Variants in ANKS1B observed in about 807,000 individuals in gnomAD.
ANKS1B encodes the protein ankyrin repeat and sterile alpha motif domain-containing protein 1B.
A neutral mutation model predicts 148.3 loss-of-function variants in ANKS1B; 36 were observed. The ratio of observed to expected loss-of-function variants is 0.24; its 90% CI spans 0.19 to 0.32. ANKS1B has a LOEUF of 0.32. Among genes scored for constraint, ANKS1B ranks in the 10% least tolerant of loss-of-function variants. The pLI is 1.00. For missense variants in ANKS1B, 1,157 were observed against 1,542.6 expected (o/e 0.75, Z 4.19); for synonymous variants, 542 against 560.8 (o/e 0.97, Z 0.47).
At chr12:99,042,960 G>T (rs2099960025) in intron 17 of ANKS1B, among the ~76,000 whole-genome samples, 1 of 152,274 alleles carries the variant, frequency 6.6e-6, no homozygotes, top group East Asian at 1.9e-4. Context: ...ACCTAATTAG[G>T]AGAAGACCTT....
chr12:99,837,271 C>T (rs937538094), intron 1 of ANKS1B, among the ~76,000 whole-genome samples: 2 of 152,136 alleles, frequency 1.3e-5, no homozygotes, highest in Non-Finnish European at 2.9e-5. Context: ...CCTGCCCACA[C>T]CTTGATTTTA....
chr12:99,479,759 G>A (rs925975728), intron 10 of ANKS1B, among the ~76,000 whole-genome samples: 5 of 151,872 alleles, frequency 3.3e-5, no homozygotes, highest in African/African-American at 7.2e-5. Context: ...AATGTTAGTC[G>A]AAAGGAGAAT....
chr12:98,974,470 A>T (rs2099888688), intron 17 of ANKS1B, among the ~76,000 whole-genome samples: 1 of 152,218 alleles, frequency 6.6e-6, no homozygotes, highest in African/African-American at 2.4e-5. Context: ...AGGTATTTAG[A>T]TATTTTTATT....
At chr12:99,369,792 GGACGGACGGACA>G (rs1244215218) in intron 12 of ANKS1B, among the ~76,000 whole-genome samples, 1 of 68,500 alleles carries the variant, frequency 1.5e-5, no homozygotes, top group African/African-American at 6.5e-5. Flanking sequence ...ATAGATAGAT[GGACGGACGGACA>G]GACGGACGGA....
intron 12 of ANKS1B, among the ~76,000 whole-genome samples, chr12:99,329,531 G>T (rs1285424383): frequency 6.6e-6 from 1 of 151,808 alleles, no homozygotes; most frequent in Non-Finnish European, 1.5e-5. Context: ...TTTCCAGAAA[G>T]ATCATATAGT....
At chr12:99,927,275 A>G (rs1216357871) in intron 1 of ANKS1B, among the ~76,000 whole-genome samples, 2 of 152,184 alleles carry the variant, frequency 1.3e-5, no homozygotes, top group African/African-American at 4.8e-5. Flanking sequence ...CTTTTGGCCT[A>G]AACTGGTTTG....
chr12:99,435,680 G>A (rs2095448533), intron 11 of ANKS1B, among the ~76,000 whole-genome samples: 1 of 152,004 alleles, frequency 6.6e-6, no homozygotes, highest in African/African-American at 2.4e-5. Context: ...GGTGAGAAGG[G>A]TAATACAGAG....
At chr12:99,312,364 G>A (rs976059732) in intron 12 of ANKS1B, among the ~76,000 whole-genome samples, 1 of 152,150 alleles carries the variant, frequency 6.6e-6, no homozygotes, top group African/African-American at 2.4e-5. Flanking sequence ...ATCCTTGAAT[G>A]GTGAGGTGGG....
At chr12:98,882,587 T>C (rs1457915538) in intron 17 of ANKS1B, among the ~76,000 whole-genome samples, 7 of 152,146 alleles carry the variant, frequency 4.6e-5, no homozygotes, top group Non-Finnish European at 8.8e-5. Context: ...TTCTCAAGAA[T>C]GCACAGTAAG....
At chr12:99,680,206 G>A (rs900537628) in intron 8 of ANKS1B, among the ~76,000 whole-genome samples, 7 of 152,230 alleles carry the variant, frequency 4.6e-5, no homozygotes, top group Non-Finnish European at 8.8e-5. Flanking sequence ...TTTGGGAGAC[G>A]AAGGTGGGTG....
At chr12:99,251,922 A>C (rs1037642468) in intron 12 of ANKS1B, among the ~76,000 whole-genome samples, 1 of 152,212 alleles carries the variant, frequency 6.6e-6, no homozygotes, top group Non-Finnish European at 1.5e-5. Flanking sequence ...GCAAAGTTTC[A>C]GCAGTGTCAA....
At chr12:99,253,404 A>G (rs775860205) in intron 12 of ANKS1B, among the ~76,000 whole-genome samples, 2 of 152,130 alleles carry the variant, frequency 1.3e-5, no homozygotes, top group Non-Finnish European at 2.9e-5. Flanking sequence ...TCAAGCAGAG[A>G]AAAACCTGTA....
chr12:98,798,498 A>T (rs1367336567), intron 22 of ANKS1B, among the ~76,000 whole-genome samples: 1 of 152,100 alleles, frequency 6.6e-6, no homozygotes, highest in Non-Finnish European at 1.5e-5. Context: ...AAATAAAAAA[A>T]AAAAACTGAG....
At chr12:99,468,170 G>C (rs1316822152) in intron 10 of ANKS1B, among the ~76,000 whole-genome samples, 2 of 151,896 alleles carry the variant, frequency 1.3e-5, no homozygotes, top group African/African-American at 4.8e-5. Flanking sequence ...ACAAACCTGA[G>C]AAAAACAAGC....
intron 17 of ANKS1B, among the ~76,000 whole-genome samples, chr12:98,912,721 C>T (rs906014979): frequency 4.6e-5 from 7 of 152,224 alleles, no homozygotes; most frequent in Non-Finnish European, 8.8e-5. Context: ...TAGCTTTTAC[C>T]GGCAGATTAA....
chr12:99,915,205 A>G (rs186789652), intron 1 of ANKS1B, among the ~76,000 whole-genome samples: 2 of 147,298 alleles, frequency 1.4e-5, no homozygotes, highest in East Asian at 3.9e-4. Context: ...AGCATGGGCA[A>G]CAAGAACAAA....
intron 12 of ANKS1B, among the ~76,000 whole-genome samples, chr12:99,290,285 G>GA (rs796594786): frequency 0.16 from 14,336 of 88,846 alleles, 1,744 homozygotes; most frequent in African/African-American, 0.36. Context: ...AAGTCTCCCA[G>GA]AAAAAAAAAA....
At chr12:99,589,942 T>C (rs941778083) in intron 9 of ANKS1B, among the ~76,000 whole-genome samples, 2 of 152,144 alleles carry the variant, frequency 1.3e-5, no homozygotes, top group Admixed American at 6.6e-5. Flanking sequence ...CCCATAAATA[T>C]GTGCAACTAT....
At chr12:99,545,860 C>A (rs960518792) in intron 9 of ANKS1B, among the ~76,000 whole-genome samples, 1 of 151,108 alleles carries the variant, frequency 6.6e-6, no homozygotes. Context: ...TGAGACTTTA[C>A]CTATATCCAA....
Sources: allele counts gnomAD v4.1 joint callset (sites outside exome capture counted in the v4.1 genomes callset), GRCh38; gene constraint gnomAD v4.1.1; transcripts MANE v1.5; gene names NCBI Gene and HGNC (gene_info 2026-07-23, HGNC 2026-07-21).